The following SPOCK3 variants were observed in gnomAD, a reference collection of about 807,000 sequenced individuals.
SPOCK3 encodes the protein testican-3.
In SPOCK3, 30 loss-of-function variants were observed where a neutral mutation model predicts 56.6. The ratio of observed to expected loss-of-function variants is 0.53; its 90% CI spans 0.40 to 0.72. The LOEUF (loss-of-function observed/expected upper bound fraction) is 0.72. Among genes scored for constraint, SPOCK3 ranks in the 30% least tolerant of loss-of-function variants. The pLI is 0.00. For synonymous variants in SPOCK3, 196 were observed against 183.3 expected (o/e 1.07, Z -0.56); for missense variants, 527 against 530.0 (o/e 0.99, Z 0.06).
At chr4:166,996,118 T>C (rs1246121679) in intron 4 of SPOCK3, among the ~76,000 whole-genome samples, 3 of 152,154 alleles carry the variant, frequency 2.0e-5, no homozygotes. Flanking sequence ...TTTTGATAAG[T>C]AGCATTTTAC....
intron 3 of SPOCK3, among the ~76,000 whole-genome samples, chr4:167,056,219 T>TC (rs750825266): frequency 2.6e-5 from 4 of 151,950 alleles, no homozygotes; most frequent in Non-Finnish European, 5.9e-5. Flanking sequence ...TCTAGCAAAC[T>TC]CCAACAGATC....
intron 3 of SPOCK3, among the ~76,000 whole-genome samples, chr4:167,034,970 C>A (rs1437079687): frequency 2.0e-5 from 3 of 152,044 alleles, no homozygotes; most frequent in African/African-American, 4.8e-5. Context: ...TGTATTAGTT[C>A]CCAGGTTAAT....
chr4:167,224,174 T>C (rs1325384120), intron 2 of SPOCK3, among the ~76,000 whole-genome samples: 4 of 152,320 alleles, frequency 2.6e-5, no homozygotes, highest in Non-Finnish European at 5.9e-5. Context: ...CACATATTTT[T>C]TCATTTTTAT....
chr4:167,189,852 C>A lies in SPOCK3; in HGVS notation c.189+44133G>T, dbSNP rs1304616592. Reference sequence around the variant, plus strand: ...TTTACGAGTTCAACTTTTTAAGATTCTGTATATAAGTGATATCCTACAATA... The same window carrying A: ...TTTACGAGTTCAACTTTTTAAGATTATGTATATAAGTGATATCCTACAATA... On this transcript the variant is annotated intron_variant, in intron 2 of 10. Coordinates refer to ENST00000357545, the MANE Select transcript of SPOCK3 (RefSeq NM_001040159.2). Among the ~76,000 whole-genome samples, 2 of 145,564 alleles carry A rather than the reference C, an allele frequency of 1.4e-5. 1 individual carries two copies. The highest frequency in any genetic ancestry group is 3.0e-5 in the Non-Finnish European group (2 of 66,766).
chr4:166,948,153 AT>A (rs1341002048), intron 4 of SPOCK3, among the ~76,000 whole-genome samples: 2 of 152,142 alleles, frequency 1.3e-5, no homozygotes, highest in Admixed American at 1.3e-4. Context: ...ACTTAACATA[AT>A]GTCCTCCAGT....
chr4:167,203,832 T>G (rs1406862087), intron 2 of SPOCK3, among the ~76,000 whole-genome samples: 2 of 152,142 alleles, frequency 1.3e-5, no homozygotes, highest in African/African-American at 4.8e-5. Flanking sequence ...CAAACCACTT[T>G]TAGCTGCATT....
intron 4 of SPOCK3, among the ~76,000 whole-genome samples, chr4:166,965,471 AT>A (rs918658921): frequency 1.8e-4 from 26 of 145,482 alleles, no homozygotes; most frequent in Non-Finnish European, 3.2e-4. Flanking sequence ...CTGGTTTGGT[AT>A]TTTTTTTCTT....
intron 6 of SPOCK3, among the ~76,000 whole-genome samples, chr4:166,853,860 C>G (rs180951036): frequency 6.4e-4 from 97 of 151,180 alleles, no homozygotes; most frequent in African/African-American, 2.1e-3. Context: ...CCACCCTGGG[C>G]GACAGAGGAA....
intron 3 of SPOCK3, among the ~76,000 whole-genome samples, chr4:167,041,159 A>AT (rs1285033847): frequency 6.6e-6 from 1 of 152,156 alleles, no homozygotes; most frequent in Non-Finnish European, 1.5e-5. Context: ...TGGGCAAATT[A>AT]TTTTTCCTCA....
At chr4:167,061,994 G>C (rs1053484242) in intron 3 of SPOCK3, among the ~76,000 whole-genome samples, 4 of 151,760 alleles carry the variant, frequency 2.6e-5, no homozygotes, top group African/African-American at 9.7e-5. Flanking sequence ...ATTGCAAACT[G>C]TTTGAAAGGA....
intron 3 of SPOCK3, among the ~76,000 whole-genome samples, chr4:167,028,787 T>C (rs1751971635): frequency 6.6e-6 from 1 of 152,034 alleles, no homozygotes. Flanking sequence ...GAACACTAGA[T>C]TGAAGATATT....
chr4:167,058,225 T>C (rs1373228135), intron 3 of SPOCK3, among the ~76,000 whole-genome samples: 3 of 152,280 alleles, frequency 2.0e-5, no homozygotes, highest in South Asian at 2.1e-4. Flanking sequence ...TGTTTGCAGA[T>C]GACATGATTG....
At chr4:167,003,756 G>C (rs930176550) in intron 3 of SPOCK3, among the ~76,000 whole-genome samples, 4 of 152,068 alleles carry the variant, frequency 2.6e-5, no homozygotes, top group Non-Finnish European at 5.9e-5. Context: ...TAAACTTTCT[G>C]GTCAGTGTAA....
chr4:166,742,054 G>A lies in SPOCK3; in HGVS notation c.937C>T (p.Pro313Ser). 1 of 1,611,782 alleles carries A rather than the reference G, an allele frequency of 6.2e-7. No homozygotes were observed. Among genetic ancestry groups the A allele is most frequent in the Non-Finnish European group, 8.5e-7 (1 of 1,178,198 alleles). The change falls in exon 9 of 11, where the codon CCT becomes TCT. Residue 313 changes from proline to serine, a missense_variant. Pro to Ser is a moderately conservative substitution (Grantham distance 74). Coordinates refer to ENST00000357545, the MANE Select transcript of SPOCK3 (RefSeq NM_001040159.2). The stretch of plus-strand genomic sequence containing the variant: ...ATATTGCTGAGCTCAGTCTGGCAAG[G>A]TGGGTCTGCAATGACATTAAAAATG... The part of the protein sequence containing the change: ...CYCFQRQQDP[P>S]CQTELSNIQK...
At chr4:167,207,338 A>G (rs1235716938) in intron 2 of SPOCK3, among the ~76,000 whole-genome samples, 1 of 152,052 alleles carries the variant, frequency 6.6e-6, no homozygotes, top group African/African-American at 2.4e-5. Flanking sequence ...GAGTCCTACC[A>G]TTATGACTTT....
chr4:166,938,926 TTAGATATA>T (rs1281553315), intron 4 of SPOCK3, among the ~76,000 whole-genome samples: 1 of 146,994 alleles, frequency 6.8e-6, no homozygotes, highest in East Asian at 2.0e-4. Context: ...GTTTGTCTGA[TTAGATATA>T]TAAAGACACA....
At chr4:167,053,715 A>T (rs750252985) in intron 3 of SPOCK3, among the ~76,000 whole-genome samples, 7 of 151,636 alleles carry the variant, frequency 4.6e-5, no homozygotes, top group Admixed American at 6.6e-5. Flanking sequence ...ACAAATAAAT[A>T]AAAAAAAGAG....
chr4:166,888,191 A>G (rs1311815455), intron 6 of SPOCK3, among the ~76,000 whole-genome samples: 4 of 152,122 alleles, frequency 2.6e-5, no homozygotes, highest in African/African-American at 9.7e-5. Flanking sequence ...AATGAAATAC[A>G]TAAGTTTATA....
chr4:166,798,327 T>C (rs1025182487), intron 6 of SPOCK3, among the ~76,000 whole-genome samples: 2 of 152,188 alleles, frequency 1.3e-5, no homozygotes, highest in Admixed American at 1.3e-4. Flanking sequence ...TGATTTACTC[T>C]CTTGTTTTGT....
Sources: gnomAD v4.1 joint callset for allele counts (sites outside exome capture counted in the v4.1 genomes callset) on GRCh38, gnomAD v4.1.1 for gene constraint, MANE v1.5 for transcripts, NCBI Gene and HGNC (gene_info 2026-07-23, HGNC 2026-07-21) for gene names.